Variants in LATS2 observed in about 807,000 individuals in gnomAD.
LATS2 encodes serine/threonine-protein kinase LATS2.
Under a neutral mutation model 76.0 loss-of-function variants are expected in LATS2, and 24 were observed. The ratio of observed to expected loss-of-function variants is 0.32; its 90% CI spans 0.23 to 0.44. The LOEUF is 0.44. Ranked by LOEUF, LATS2 falls within the 20% of genes least tolerant of loss-of-function variation. LATS2 has a pLI of 1.00. For missense variants in LATS2, 1,286 were observed against 1,481.2 expected (o/e 0.87, Z 2.16); for synonymous variants, 692 against 635.4 (o/e 1.09, Z -1.34).
rs1363494302 is a variant in LATS2 at position 20,999,793 on chromosome 13, TCCTTGGCCTTG to T, written c.343-8400_343-8390del. On this transcript the variant is annotated intron_variant, in intron 2 of 7. Transcript: ENST00000382592. Reference sequence around the variant, plus strand: ...TATAAAATAAAATGAACATGAAAAATCCTTGGCCTTGCCAATGATCACGAGACCAGCCTGGA... The same window carrying T: ...TATAAAATAAAATGAACATGAAAAATCCAATGATCACGAGACCAGCCTGGA... 2.0e-5 allele frequency among the ~76,000 whole-genome samples: 3 copies of T among 147,896 alleles called. No homozygotes were observed. In the East Asian group the frequency reaches 6.0e-4, roughly 30 times the overall value.
chr13:21,045,455 G>T (rs1331246236), intron 2 of LATS2, among the ~76,000 whole-genome samples: 1 of 152,196 alleles, frequency 6.6e-6, no homozygotes, highest in Non-Finnish European at 1.5e-5. Context: ...GCAACTTCTG[G>T]AACTTGCCTG....
rs78126940 is a variant in LATS2, at chr13:21,049,278, T to C, written c.-204-3048A>G. Among the ~76,000 whole-genome samples, 55 of 152,288 alleles carry C rather than the reference T, an allele frequency of 3.6e-4. 1 individual carries two copies. In the East Asian group the frequency reaches 0.011, roughly 29 times the overall value. On this transcript the variant is annotated intron_variant, in intron 1 of 7. Coordinates refer to ENST00000382592, the MANE Select transcript of LATS2 (RefSeq NM_014572.3). ...GTGCAGAGGATGGGCAGTCACTGCCTATGGTTCAGCTAAGGAGTGACACGG... is the reference window on the plus strand; with the variant it reads ...GTGCAGAGGATGGGCAGTCACTGCCCATGGTTCAGCTAAGGAGTGACACGG...
intron 3 of LATS2, among the ~76,000 whole-genome samples, chr13:20,989,755 A>ATC (rs1353040514): frequency 1.3e-5 from 2 of 152,216 alleles, no homozygotes; most frequent in African/African-American, 4.8e-5. Flanking sequence ...GCAGAACTGT[A>ATC]TCCACTGTGC....
intron 1 of LATS2, among the ~76,000 whole-genome samples, chr13:21,060,318 AG>A (rs1454824966): frequency 8.5e-5 from 13 of 152,364 alleles, no homozygotes; most frequent in Middle Eastern, 3.4e-3. Flanking sequence ...CCATCTCCAG[AG>A]TCCGGCTGGG....
chr13:21,050,369 C>T (rs183151910), intron 1 of LATS2, among the ~76,000 whole-genome samples: 2 of 152,160 alleles, frequency 1.3e-5, no homozygotes, highest in African/African-American at 4.8e-5. Flanking sequence ...CAGAAGCCTC[C>T]AGGCCCCCAC....
At chr13:21,050,656 G>A (rs1324597697) in intron 1 of LATS2, among the ~76,000 whole-genome samples, 2 of 152,156 alleles carry the variant, frequency 1.3e-5, no homozygotes, top group Non-Finnish European at 2.9e-5. Context: ...TATTACAAAT[G>A]GCACCACTGC....
At chr13:20,985,481 G>A (rs1870099677) in intron 4 of LATS2, among the ~76,000 whole-genome samples, 1 of 152,226 alleles carries the variant, frequency 6.6e-6, no homozygotes, top group Non-Finnish European at 1.5e-5. Context: ...GCTCACGCCT[G>A]TAATCCCAGC....
chr13:21,001,545 C>T (rs1871040143), intron 2 of LATS2, among the ~76,000 whole-genome samples: 2 of 152,162 alleles, frequency 1.3e-5, no homozygotes, highest in African/African-American at 2.4e-5. Flanking sequence ...TCAGATCGCA[C>T]CATGGTTGGA....
intron 2 of LATS2, among the ~76,000 whole-genome samples, chr13:21,000,097 A>C (rs1870975412): frequency 6.6e-6 from 1 of 152,158 alleles, no homozygotes; most frequent in Non-Finnish European, 1.5e-5. Flanking sequence ...AATTATAAAG[A>C]TAGGCCGGGC....
At chr13:21,032,326 C>T (rs1206956565) in intron 2 of LATS2, among the ~76,000 whole-genome samples, 2 of 152,176 alleles carry the variant, frequency 1.3e-5, no homozygotes, top group East Asian at 1.9e-4. Flanking sequence ...AGTGCAATGG[C>T]GCGATCTTGG....
At chr13:21,018,111 C>G (rs1871882263) in intron 2 of LATS2, 1 of 152,206 alleles carries the variant, frequency 6.6e-6, no homozygotes. Flanking sequence ...TAGTTTTGAT[C>G]TGAGACTTTT....
In LATS2 at chr13:20,973,971, T is replaced by TC. The variant is rs10659630; in HGVS notation, c.*898dup. 37,893 of 183,522 alleles carry TC rather than the reference T, an allele frequency of 0.21. 4,633 individuals carry two copies. Among genetic ancestry groups the TC allele is most frequent in the African/African-American group, 0.38 (13,940 of 36,980 alleles). 11.4% of individuals were successfully genotyped at this position (183,522 alleles called of 1,614,324 possible). On this transcript the variant is annotated 3_prime_UTR_variant, in exon 8 of 8. Transcript: ENST00000382592. The stretch of plus-strand genomic sequence containing the variant: ...TTCAGTATATGACAAATGTTTCAGT[T>TC]CCCCCCCCCCAAAGAATCCAATCAC...
intron 2 of LATS2, among the ~76,000 whole-genome samples, chr13:21,009,484 T>C (rs1307469695): frequency 3.3e-5 from 5 of 152,148 alleles, no homozygotes; most frequent in African/African-American, 1.2e-4. Context: ...TTTATACTTA[T>C]CCTAAGGGTA....
chr13:21,043,067 C>T (rs767782841), intron 2 of LATS2, among the ~76,000 whole-genome samples: 7 of 151,494 alleles, frequency 4.6e-5, no homozygotes, highest in East Asian at 1.9e-4. Context: ...GACGTGGTGA[C>T]GCACGCCTGT....
intron 2 of LATS2, among the ~76,000 whole-genome samples, chr13:21,007,491 A>G (rs1318263058): frequency 7.8e-6 from 1 of 128,106 alleles, no homozygotes; most frequent in Non-Finnish European, 1.6e-5. Flanking sequence ...TTCCAATCAG[A>G]GCCAAGGATA....
At chr13:21,046,586 A>G (rs1430604578) in intron 1 of LATS2, among the ~76,000 whole-genome samples, 3 of 152,260 alleles carry the variant, frequency 2.0e-5, no homozygotes, top group Admixed American at 6.5e-5. Context: ...TAAATTTTCT[A>G]CATGGGATCT....
At chr13:21,040,392 G>GAA (rs1263393826) in intron 2 of LATS2, among the ~76,000 whole-genome samples, 1 of 145,828 alleles carries the variant, frequency 6.9e-6, no homozygotes, top group African/African-American at 2.6e-5. Flanking sequence ...AAAAAAAAAA[G>GAA]AAAGAAAAAG....
intron 2 of LATS2, among the ~76,000 whole-genome samples, chr13:21,004,349 G>A (rs1595227617): frequency 6.6e-6 from 1 of 151,312 alleles, no homozygotes; most frequent in East Asian, 2.0e-4. Context: ...CAAGAGAACC[G>A]CTTGAACCCA....
chr13:20,991,170 G>A lies in LATS2; in HGVS notation c.475+102C>T. On this transcript the variant is annotated intron_variant, in intron 3 of 7. Transcript: ENST00000382592. This position sits in a 1 kb window ranked among gnomAD's most constrained non-coding sequence, Gnocchi z 4.9. Reference sequence around the variant, plus strand: ...GAATGAGGCAATGTGCCAGGAGACTGGCTCTGGCCAGGCCAGGCCAGGTTG... The same window carrying A: ...GAATGAGGCAATGTGCCAGGAGACTAGCTCTGGCCAGGCCAGGCCAGGTTG... The A allele has an allele frequency of 7.2e-7, 1 of 1,387,104 alleles. No homozygotes were observed. Among genetic ancestry groups the A allele is most frequent in the South Asian group, 1.3e-5 (1 of 76,900 alleles). The allele number at this position is 1,387,104 out of a possible 1,614,324, so 85.9% of individuals were successfully genotyped here. A position where few individuals can be genotyped will look rare whatever the true frequency, so the allele number is the denominator to read the frequency against.
Sources: allele counts gnomAD v4.1 joint callset (sites outside exome capture counted in the v4.1 genomes callset), GRCh38; gene constraint gnomAD v4.1.1; non-coding constraint Gnocchi (gnomAD v3.1); transcripts MANE v1.5; gene names NCBI Gene and HGNC (gene_info 2026-07-23, HGNC 2026-07-21).